The following MAGI2 variants were observed in gnomAD, a reference collection of about 807,000 sequenced individuals.
MAGI2 encodes the protein membrane associated guanylate kinase, WW and PDZ domain containing 2.
A neutral mutation model predicts 133.3 loss-of-function variants in MAGI2; 35 were observed. The ratio of observed to expected loss-of-function variants is 0.26; its 90% confidence interval spans 0.20 to 0.35. The LOEUF (loss-of-function observed/expected upper bound fraction) is 0.35. Ranked by LOEUF, MAGI2 falls within the 10% of genes least tolerant of loss-of-function variation. MAGI2 has a pLI of 1.00. For missense variants in MAGI2, 1,636 were observed against 1,863.4 expected, an observed-to-expected ratio of 0.88 and a Z score of 2.25; for synonymous variants, 729 against 710.6, an observed-to-expected ratio of 1.03 and a Z score of -0.41.
intron 1 of MAGI2, among the ~76,000 whole-genome samples, chr7:79,403,692 C>T (rs1000110395): frequency 2.6e-5 from 4 of 151,970 alleles, no homozygotes; most frequent in South Asian, 2.1e-4. Flanking sequence ...GTTCTACTTC[C>T]GAAGCCACAC....
chr7:78,131,337 G>C lies in MAGI2; in HGVS notation c.3203+1552C>G, dbSNP rs554972202. Reference sequence around the variant, plus strand: ...AAACATAAGCAGCTGAGGACAATCAGACATTTACTTTTCTATGAAAGCAAA... The same window carrying C: ...AAACATAAGCAGCTGAGGACAATCACACATTTACTTTTCTATGAAAGCAAA... On this transcript the variant is annotated intron_variant, in intron 18 of 21. Transcript: ENST00000354212. Among the ~76,000 whole-genome samples the C allele has an allele frequency of 2.0e-5, 3 of 152,324 alleles. No homozygotes were observed. In the South Asian group the frequency reaches 6.2e-4, roughly 32 times the overall value.
intron 20 of MAGI2, among the ~76,000 whole-genome samples, chr7:78,101,825 T>G (rs571810440): frequency 2.6e-5 from 4 of 152,250 alleles, no homozygotes; most frequent in Non-Finnish European, 5.9e-5. Context: ...GAACTCTTAT[T>G]GAACTAGCAT....
At chr7:78,616,127 T>C (rs943023971) in intron 3 of MAGI2, 1 of 152,244 alleles carries the variant, frequency 6.6e-6, no homozygotes, top group Non-Finnish European at 1.5e-5. Context: ...AAGTCCCACA[T>C]GTCCACATAT....
At chr7:79,347,183 G>T (rs934518536) in intron 1 of MAGI2, among the ~76,000 whole-genome samples, 3 of 151,878 alleles carry the variant, frequency 2.0e-5, no homozygotes, top group Non-Finnish European at 2.9e-5. Context: ...TTTGTTGGTT[G>T]AAATAATGAA....
At chr7:78,206,657 T>C (rs961361418) in intron 10 of MAGI2, among the ~76,000 whole-genome samples, 14 of 152,230 alleles carry the variant, frequency 9.2e-5, no homozygotes, top group African/African-American at 3.4e-4. Context: ...AACATCCTTC[T>C]GTATTCCAGT....
chr7:78,394,192 A>T (rs1562936524), intron 6 of MAGI2, among the ~76,000 whole-genome samples: 1 of 152,168 alleles, frequency 6.6e-6, no homozygotes. Context: ...ACCCAGAAAT[A>T]CTGTTTCAGC....
intron 1 of MAGI2, among the ~76,000 whole-genome samples, chr7:79,051,648 A>G (rs1011101812): frequency 7.2e-5 from 11 of 152,176 alleles, no homozygotes; most frequent in African/African-American, 2.7e-4. Flanking sequence ...TTTAATAAGT[A>G]TATTTACTTT....
intron 20 of MAGI2, among the ~76,000 whole-genome samples, chr7:78,100,676 A>G (rs143127063): frequency 2.0e-5 from 3 of 152,248 alleles, no homozygotes; most frequent in Admixed American, 2.0e-4. Flanking sequence ...TTTAAAACAA[A>G]GTTTGGGTAT....
chr7:79,096,749 C>G (rs1817554933), intron 1 of MAGI2, among the ~76,000 whole-genome samples: 1 of 152,094 alleles, frequency 6.6e-6, no homozygotes, highest in South Asian at 2.1e-4. Context: ...ATAAACACAG[C>G]AACTCAACTG....
chr7:78,842,589 T>G (rs1283524866), intron 2 of MAGI2, among the ~76,000 whole-genome samples: 2 of 151,944 alleles, frequency 1.3e-5, no homozygotes, highest in East Asian at 3.9e-4. Context: ...TAGCCATGTT[T>G]TTTAGTAAAT....
intron 1 of MAGI2, among the ~76,000 whole-genome samples, chr7:79,074,322 TTATTC>T (rs1375839385): frequency 1.3e-5 from 2 of 152,202 alleles, no homozygotes. Context: ...ATATTCTATT[TTATTC>T]TTCTTCATAA....
intron 2 of MAGI2, among the ~76,000 whole-genome samples, chr7:78,773,785 G>A (rs1372280293): frequency 3.3e-5 from 5 of 152,184 alleles, no homozygotes; most frequent in Admixed American, 6.5e-5. Flanking sequence ...AAAGGGCTGC[G>A]AGTGATCTTA....
chr7:79,376,230 T>C (rs1162583134), intron 1 of MAGI2, among the ~76,000 whole-genome samples: 1 of 151,884 alleles, frequency 6.6e-6, no homozygotes, highest in Non-Finnish European at 1.5e-5. Context: ...CATACATACC[T>C]ACGATAAAGT....
At chr7:78,309,784 T>C (rs938890676) in intron 9 of MAGI2, among the ~76,000 whole-genome samples, 2 of 152,238 alleles carry the variant, frequency 1.3e-5, no homozygotes, top group East Asian at 1.9e-4. Context: ...TCCGGCTTCC[T>C]GGCTGCATGA....
intron 2 of MAGI2, among the ~76,000 whole-genome samples, chr7:78,747,887 G>A (rs768531932): frequency 1.4e-4 from 22 of 152,284 alleles, no homozygotes; most frequent in African/African-American, 4.6e-4. Context: ...AAGTTTCTAC[G>A]TGAAGAGTTT....
chr7:78,961,833 C>T (rs1802869163), intron 2 of MAGI2, among the ~76,000 whole-genome samples: 2 of 151,702 alleles, frequency 1.3e-5, no homozygotes, highest in South Asian at 4.2e-4. Context: ...GTGCGAATAT[C>T]GTAGGATGTA....
chr7:78,768,126 T>C (rs1425780776), intron 2 of MAGI2, among the ~76,000 whole-genome samples: 1 of 152,264 alleles, frequency 6.6e-6, no homozygotes, highest in African/African-American at 2.4e-5. Flanking sequence ...GCCATCCATC[T>C]TCTCCAAGAT....
intron 21 of MAGI2, among the ~76,000 whole-genome samples, chr7:78,074,121 C>T (rs940810594): frequency 3.3e-5 from 5 of 152,192 alleles, no homozygotes; most frequent in Non-Finnish European, 7.3e-5. Context: ...CCACTACTTT[C>T]GGGGTGGCAT....
At chr7:78,609,049 G>A (rs1806140544) in intron 3 of MAGI2, among the ~76,000 whole-genome samples, 3 of 152,162 alleles carry the variant, frequency 2.0e-5, no homozygotes, top group Admixed American at 2.0e-4. Flanking sequence ...TAGCATGGGG[G>A]AAAGATGTAG....
Sources: gnomAD v4.1 joint callset for allele counts (sites outside exome capture counted in the v4.1 genomes callset) on GRCh38, gnomAD v4.1.1 for gene constraint, MANE v1.5 for transcripts, NCBI Gene and HGNC (gene_info 2026-07-23, HGNC 2026-07-21) for gene names.